NIP7: variants seen among roughly 807,000 people sequenced by gnomAD.
NIP7 encodes nucleolar pre-rRNA processing protein NIP7, also known as 60S ribosome subunit biogenesis protein NIP7 homolog.
In NIP7, 12 loss-of-function variants were observed where a neutral mutation model predicts 20.1. The ratio of observed to expected loss-of-function variants is 0.60; its 90% CI spans 0.38 to 0.97. NIP7 has a LOEUF of 0.97. Ranked by LOEUF, NIP7 falls within the 50% of genes least tolerant of loss-of-function variation. The pLI, the probability that NIP7 is intolerant of heterozygous loss-of-function variation, is 0.00. For missense variants in NIP7, 226 were observed against 226.6 expected, an observed-to-expected ratio of 1.00 and a Z score of 0.02; for synonymous variants, 103 against 87.2, an observed-to-expected ratio of 1.18 and a Z score of -1.01.
Position 69,339,818 on chromosome 16 carries a change from C to G in NIP7, c.-12C>G, listed in dbSNP as rs367992251. On this transcript the variant is annotated 5_prime_UTR_variant, in exon 1 of 5. Transcript: ENST00000254940. ...AGGCACGAGGATCCGGTGTTCCAAC[C>G]CAGGGGGAAAAATGCGGCCTTTGAC... 6.2e-7 allele frequency: 1 copy of G among 1,612,382 alleles called. No individual in the cohort carries two copies. The highest frequency in any genetic ancestry group is 8.5e-7 in the Non-Finnish European group (1 of 1,179,988).
chr16:69,340,391 G>A lies in NIP7; in HGVS notation c.282+59G>A, dbSNP rs559670181. ...GATGAAGTCAAGGATTAGGCAGATT[G>A]TCCGGCAGCTTCTCTCCCACAGAGT... On this transcript the variant is annotated intron_variant, in intron 3 of 4. Coordinates refer to ENST00000254940, the MANE Select transcript of NIP7 (RefSeq NM_016101.5). 5 of 1,583,856 alleles carry A rather than the reference G, an allele frequency of 3.2e-6. No individual in the cohort carries two copies. In the Admixed American group the frequency reaches 6.8e-5, roughly 21 times the overall value.
At chr16:69,339,972 C>G in intron 1 of NIP7, 34 bp from the exon 2 acceptor site, 11 of 1,613,006 alleles carry the variant, frequency 6.8e-6, no homozygotes, top group Non-Finnish European at 9.3e-6. Flanking sequence ...CCGGTTCGTT[C>G]GGGCGCGGTC....
chr16:69,341,212 G>C lies in NIP7; in HGVS notation c.315G>C (p.Gln105His). ...TTTGGATAAAGCCTGGTGCAGAGCA[G>C]TCCTTCCTGTATGGGAACCATGTGT... ...YKVWIKPGAE[Q>H]SFLYGNHVLK... The change falls in exon 4 of 5, where the codon CAG (glutamine) becomes CAC (histidine). Residue 105 changes from glutamine (Q) to histidine (H), a missense_variant. Coordinates refer to ENST00000254940, the MANE Select transcript of NIP7 (RefSeq NM_016101.5). The C allele has an allele frequency of 6.2e-7, 1 of 1,614,112 alleles. No homozygotes were observed. Among genetic ancestry groups the C allele is most frequent in the African/African-American group, 1.3e-5 (1 of 75,044 alleles).
chr16:69,342,480 GTTAC>G lies in NIP7; in HGVS notation c.*831_*834del, dbSNP rs1226208815. 6.6e-6 allele frequency: 1 copy of G among 152,060 alleles called. No individual in the cohort carries two copies. Among genetic ancestry groups the G allele is most frequent in the Non-Finnish European group, 1.5e-5 (1 of 68,050 alleles). The allele number at this position is 152,060 out of a possible 1,614,324, so 9.4% of individuals were successfully genotyped here. Reference sequence around the variant, plus strand: ...GTGGTGACACATGGCTGTGGTCCTAGTTACTTGGGAGGCTGAGGCAGGAGAATGG... The same window carrying G: ...GTGGTGACACATGGCTGTGGTCCTAGTTGGGAGGCTGAGGCAGGAGAATGG... On this transcript the variant is annotated 3_prime_UTR_variant, in exon 5 of 5. Transcript: ENST00000254940.
Position 69,341,656 on chromosome 16 carries a change from G to A in NIP7, c.*4G>A, listed in dbSNP as rs201073050. The A allele has an allele frequency of 3.9e-4, 636 of 1,614,052 alleles. No homozygotes were observed. Among genetic ancestry groups the A allele is most frequent in the Non-Finnish European group, 5.0e-4 (591 of 1,179,970 alleles). On this transcript the variant is annotated 3_prime_UTR_variant, in exon 5 of 5. Transcript: ENST00000254940. ...GCATGAAGAGACGTTGACTTAAAAC[G>A]AAGCCATTCCAAGGACAGACGGCTG...
chr16:69,340,333 G>A lies in NIP7; in HGVS notation c.282+1G>A. 1 of 1,609,914 alleles carries A rather than the reference G, an allele frequency of 6.2e-7. No homozygotes were observed. The highest frequency in any genetic ancestry group is 8.5e-7 in the Non-Finnish European group (1 of 1,179,706). ...GGATTACCTTGCACCTTATGCCAAG[G>A]TTTGTGGGGCGGTTTCCAATTCTGC... On this transcript the variant is annotated splice_donor_variant, in intron 3 of 4. Transcript: ENST00000254940. LOFTEE classifies it high-confidence loss of function.
chr16:69,340,411 C>A, intron 3 of NIP7, 79 bp downstream of exon 3: 1 of 1,544,908 alleles, frequency 6.5e-7, no homozygotes, highest in South Asian at 1.2e-5. Context: ...TTCTCTCCCA[C>A]AGAGTCCCTG....
chr16:69,341,444 G>A (rs989248821), intron 4 of NIP7, 89 bp from the exon 5 acceptor site: 119 of 1,582,426 alleles, frequency 7.5e-5, no homozygotes, highest in Non-Finnish European at 1.0e-4. Context: ...GACCAGAACT[G>A]TATTTTTTCC....
At chr16:69,341,455 G>T in intron 4 of NIP7, 78 bp from the exon 5 acceptor site, 1 of 1,584,726 alleles carries the variant, frequency 6.3e-7, no homozygotes, top group Admixed American at 1.8e-5. Flanking sequence ...TATTTTTTCC[G>T]TCTTTGTTAT....
intron 3 of NIP7, 198 bp from the exon 4 acceptor site, chr16:69,340,982 G>T (rs1260754474): frequency 3.9e-6 from 2 of 507,756 alleles, no homozygotes; most frequent in East Asian, 7.4e-5. Context: ...CAAAGTGCTG[G>T]GATTACAAGC....
In NIP7 at chr16:69,339,901, G is replaced by T; in HGVS notation, c.56+16G>T. The T allele has an allele frequency of 6.2e-7, 1 of 1,613,546 alleles. No individual in the cohort carries two copies. Among genetic ancestry groups the T allele is most frequent in the African/African-American group, 1.3e-5 (1 of 74,570 alleles). On this transcript the variant is annotated intron_variant, in intron 1 of 4. Coordinates refer to ENST00000254940, the MANE Select transcript of NIP7 (RefSeq NM_016101.5). ...TAGCGAAATAGTAGGAGCGCGCGGG[G>T]CGGACGCGGGAGTGTGTGGGTGTGG...
In NIP7 at chr16:69,342,401, C is replaced by G. The variant is rs1402057821; in HGVS notation, c.*749C>G. On this transcript the variant is annotated 3_prime_UTR_variant, in exon 5 of 5. Transcript: ENST00000254940. ...CTTGAGGTTAGGAGTTTGAGACCAG[C>G]CTGGCCAACATGGTGAAACCCCATC... 2.0e-5 allele frequency: 3 copies of G among 151,958 alleles called. No individual in the cohort carries two copies. The East Asian group carries it at 5.8e-4, about 29-fold the overall frequency. 9.4% of individuals were successfully genotyped at this position (151,958 alleles called of 1,614,324 possible).
intron 2 of NIP7, 26 bp downstream of exon 2, chr16:69,340,118 T>C (rs368169684): frequency 6.1e-5 from 99 of 1,613,208 alleles, no homozygotes; most frequent in African/African-American, 9.4e-5. Context: ...GCAGGCAGCA[T>C]GGACCCAGGG....
rs1469195629 is a variant in NIP7 at position 69,341,238 on chromosome 16, T to C, written c.341T>C (p.Leu114Ser). 1 of 1,614,074 alleles carries C rather than the reference T, an allele frequency of 6.2e-7. No individual in the cohort carries two copies. Among genetic ancestry groups the C allele is most frequent in the East Asian group, 2.2e-5 (1 of 44,888 alleles). The change falls in exon 4 of 5, where the codon TTG (leucine) becomes TCG (serine). Residue 114 changes from leucine to serine, a missense_variant. Coordinates refer to ENST00000254940, the MANE Select transcript of NIP7 (RefSeq NM_016101.5). ...EQSFLYGNHV[L>S]KSGLGRITEN... ...TCCTTCCTGTATGGGAACCATGTGT[T>C]GAAATCTGGTCTGGGTCGAATCACT...
intron 3 of NIP7, chr16:69,340,572 G>A (rs1018235760): frequency 3.8e-6 from 2 of 520,330 alleles, no homozygotes; most frequent in African/African-American, 3.8e-5. Context: ...CCCAGCTAGA[G>A]ATCAGAAAGC....
chr16:69,341,365 C>G lies in NIP7; in HGVS notation c.423+45C>G, dbSNP rs1037461830. On this transcript the variant is annotated intron_variant, in intron 4 of 4. Transcript: ENST00000254940. ...GTTACAGAACTCAAGTACTCTTATT[C>G]AAGAAGGGTATGTCTTCAATCTGAG... 3 of 1,602,390 alleles carry G rather than the reference C, an allele frequency of 1.9e-6. No homozygotes were observed. The Admixed American group carries it at 5.1e-5, about 27-fold the overall frequency.
Position 69,341,544 on chromosome 16 carries a change from G to A in NIP7, c.435G>A (p.Val145=), listed in dbSNP as rs973542211. 8 of 1,613,480 alleles carry A rather than the reference G, an allele frequency of 5.0e-6. No homozygotes were observed. Among genetic ancestry groups the A allele is most frequent in the Non-Finnish European group, 6.8e-6 (8 of 1,179,772 alleles). ...SMADIPLGFG[V]AAKSTQDCRK... ...CTTTTGAATCCCAGGGTTTTGGGGT[G>A]GCAGCCAAATCTACACAAGACTGCA... Residue 145 remains valine, a synonymous_variant, in exon 5 of 5, where the codon GTG becomes GTA. Coordinates refer to ENST00000254940, the MANE Select transcript of NIP7 (RefSeq NM_016101.5).
chr16:69,339,823 G>A lies in NIP7; in HGVS notation c.-7G>A. 2 of 1,612,688 alleles carry A rather than the reference G, an allele frequency of 1.2e-6. No individual in the cohort carries two copies. The highest frequency in any genetic ancestry group is 1.1e-5 in the South Asian group (1 of 90,998). ...CGAGGATCCGGTGTTCCAACCCAGG[G>A]GGAAAAATGCGGCCTTTGACTGAAG... On this transcript the variant is annotated 5_prime_UTR_variant, in exon 1 of 5. Transcript: ENST00000254940.
intron 3 of NIP7, 190 bp downstream of exon 3, chr16:69,340,522 G>T: frequency 2.8e-6 from 2 of 709,682 alleles, no homozygotes; most frequent in Non-Finnish European, 4.5e-6. Context: ...TGGCTGCGTA[G>T]GGTTAGTTTT....
Sources: gnomAD v4.1 joint callset for allele counts on GRCh38, gnomAD v4.1.1 for gene constraint, MANE v1.5 for transcripts, NCBI Gene and HGNC (gene_info 2026-07-23, HGNC 2026-07-21) for gene names.